NIBAN3: variants seen among roughly 807,000 people sequenced by gnomAD.
The protein encoded by NIBAN3 is niban apoptosis regulator 3, also known as protein Niban 3.
Under a neutral mutation model 76.4 loss-of-function variants are expected in NIBAN3, and 66 were observed. The ratio of observed to expected loss-of-function variants is 0.86; its 90% CI spans 0.71 to 1.06. The LOEUF (loss-of-function observed/expected upper bound fraction) is 1.06, where lower values mean the gene tolerates loss of function less well. Ranked by LOEUF, NIBAN3 falls within the 50% of genes least tolerant of loss-of-function variation. The probability of loss-of-function intolerance (pLI) is 0.00; values close to 1 mark genes in which losing one functional copy is unlikely to be tolerated. For missense variants in NIBAN3, 808 were observed against 810.7 expected (o/e 1.00, Z 0.04); for synonymous variants, 360 against 355.2 (o/e 1.01, Z -0.15).
intron 4 of NIBAN3, among the ~76,000 whole-genome samples, chr19:17,536,989 G>A (rs1323683743): frequency 6.6e-6 from 1 of 152,124 alleles, no homozygotes; most frequent in African/African-American, 2.4e-5. Flanking sequence ...AAAAAAGAAA[G>A]AAAATGAAAG....
rs10528626 is a variant in NIBAN3 at position 17,541,644 on chromosome 19, CTTATTTTATTTTATTTTATTTTATT to C, written c.1171-454_1171-430del. 2.1e-3 allele frequency among the ~76,000 whole-genome samples: 288 copies of C among 137,060 alleles called. 1 individual carries two copies. Among genetic ancestry groups the C allele is most frequent in the East Asian group, 0.015 (71 of 4,604 alleles). The allele number at this position is 137,060 out of a possible 152,430, so 89.9% of individuals were successfully genotyped here. ...TCCATGACACCGTGCCTCACTGCTACTTATTTTATTTTATTTTATTTTATTTTATTTTATTTTATTTTATTTTATT... is the reference window on the plus strand; with the variant it reads ...TCCATGACACCGTGCCTCACTGCTACTTATTTTATTTTATTTTATTTTATT... On this transcript the variant is annotated intron_variant, in intron 9 of 14. Coordinates refer to ENST00000599164, the MANE Select transcript of NIBAN3 (RefSeq NM_001321827.2).
downstream of NIBAN3, among the ~76,000 whole-genome samples, chr19:17,554,239 G>A (rs1284916936): frequency 6.6e-6 from 1 of 152,036 alleles, no homozygotes; most frequent in Non-Finnish European, 1.5e-5. Flanking sequence ...CAGCAGTTTG[G>A]GAGGCTGAAG....
Position 17,530,883 on chromosome 19 carries a change from A to G in NIBAN3, c.184A>G (p.Lys62Glu). The change falls in exon 2 of 15, where the codon AAA becomes GAA. Residue 62 changes from lysine (K) to glutamate (E), a missense_variant and splice_region_variant. By Grantham distance (56) the Lys-to-Glu change is moderately conservative. Transcript: ENST00000599164. ...EPTGSQLLRS[K>E]KLPRVREHRG... ...GACCGGAAGCCAGTTGCTACGCAGC[A>G]AAGTGGGTGTTGTGGGGGCAGAGGA... 6.2e-7 allele frequency: 1 copy of G among 1,612,990 alleles called. No homozygotes were observed. Among genetic ancestry groups the G allele is most frequent in the South Asian group, 1.1e-5 (1 of 91,040 alleles).
chr19:17,550,164 A>G (rs1189874907), intron 14 of NIBAN3, among the ~76,000 whole-genome samples: 1 of 152,072 alleles, frequency 6.6e-6, no homozygotes, highest in East Asian at 1.9e-4. Flanking sequence ...GCATCTCCCA[A>G]TGGCTACTTC....
upstream of NIBAN3, among the ~76,000 whole-genome samples, chr19:17,525,719 G>C (rs1373960520): frequency 6.6e-6 from 1 of 152,194 alleles, no homozygotes; most frequent in Admixed American, 6.5e-5. Flanking sequence ...GGCCCTCAGT[G>C]GTGCTTTCCC....
intron 3 of NIBAN3, 49 bp downstream of exon 3, chr19:17,532,437 C>A (rs374296855): frequency 1.2e-6 from 2 of 1,612,154 alleles, no homozygotes; most frequent in Non-Finnish European, 1.7e-6. Context: ...CTCCTTCCCA[C>A]CCCCGTCAGC....
chr19:17,526,143 C>T (rs1000175735), upstream of NIBAN3, among the ~76,000 whole-genome samples: 1 of 151,916 alleles, frequency 6.6e-6, no homozygotes, highest in Non-Finnish European at 1.5e-5. Flanking sequence ...GAAACCCCGT[C>T]TCTACTGAAA....
chr19:17,533,754 CAT>C, intron 4 of NIBAN3, 53 bp downstream of exon 4: 1 of 1,302,504 alleles, frequency 7.7e-7, no homozygotes, highest in Non-Finnish European at 1.1e-6. Context: ...GCATCATTAA[CAT>C]GTGGGGCCAG....
At chr19:17,539,876 T>C (rs757702391) in intron 8 of NIBAN3, 111 bp downstream of exon 8, 2 of 621,224 alleles carry the variant, frequency 3.2e-6, no homozygotes, top group African/African-American at 2.2e-5. Flanking sequence ...GGGGGCGTGG[T>C]CAGAGAGGGG....
At chr19:17,528,827 A>C (rs948985495) in intron 1 of NIBAN3, among the ~76,000 whole-genome samples, 6 of 152,046 alleles carry the variant, frequency 3.9e-5, no homozygotes, top group African/African-American at 1.4e-4. Context: ...TCCATGCAGC[A>C]GCATGGAAGA....
At chr19:17,540,223 G>A in intron 8 of NIBAN3, 169 bp from the exon 9 acceptor site, 1 of 469,338 alleles carries the variant, frequency 2.1e-6, no homozygotes, top group South Asian at 6.1e-5. Context: ...ACCCAGGTGG[G>A]AATCCTGACT....
At chr19:17,540,146 A>G (rs1328893299) in intron 8 of NIBAN3, 6 of 399,106 alleles carry the variant, frequency 1.5e-5, no homozygotes, top group Non-Finnish European at 2.6e-5. Context: ...GAAGTAGAAC[A>G]GCGGAGGAGG....
intron 12 of NIBAN3, chr19:17,545,195 A>G (rs547630981): frequency 3.6e-4 from 53 of 149,266 alleles, no homozygotes; most frequent in African/African-American, 1.3e-3. Context: ...ATTTTATTTT[A>G]TTTTATTTTA....
At position 17,553,056 on chromosome 19, in the gene NIBAN3, T is replaced by G; in HGVS notation, c.*1158T>G. 1 of 335,876 alleles carries G rather than the reference T, an allele frequency of 3.0e-6. No homozygotes were observed. Among genetic ancestry groups the G allele is most frequent in the Non-Finnish European group, 5.4e-6 (1 of 186,280 alleles). 20.8% of individuals were successfully genotyped at this position (335,876 alleles called of 1,614,324 possible). A position where few individuals can be genotyped will look rare whatever the true frequency, so the allele number is the denominator to read the frequency against. On this transcript the variant is annotated 3_prime_UTR_variant, in exon 15 of 15. Coordinates refer to ENST00000599164, the MANE Select transcript of NIBAN3 (RefSeq NM_001321827.2). ...CACCACTGCACTCCAGCCTGGGTGA[T>G]GGGAGTGAGACCCTGTCTCAAAAAA... is the stretch of plus-strand genomic sequence containing the variant.
At position 17,542,280 on chromosome 19, in the gene NIBAN3, G is replaced by A; in HGVS notation, c.1315G>A (p.Asp439Asn). The stretch of plus-strand genomic sequence containing the variant: ...GCAGAGCCTCGTGTTTGGGGCCCAA[G>A]ATCTTGCACAGCAGGTGAGGGTGAG... ...GMQSLVFGAQ[D>N]LAQQLMADAV... Residue 439 changes from aspartate (D) to asparagine (N), a missense_variant, in exon 10 of 15, where the codon GAT becomes AAT. Asp to Asn is a conservative substitution (Grantham distance 23, BLOSUM62 1). Coordinates refer to ENST00000599164, the MANE Select transcript of NIBAN3 (RefSeq NM_001321827.2). The surrounding 1 kb of genome is among the most constrained non-coding windows in gnomAD (Gnocchi z 4.8). 1 of 1,610,592 alleles carries A rather than the reference G, an allele frequency of 6.2e-7. No individual in the cohort carries two copies. The highest frequency in any genetic ancestry group is 8.5e-7 in the Non-Finnish European group (1 of 1,178,336).
chr19:17,542,261 C>T lies in NIBAN3; in HGVS notation c.1296C>T (p.Ser432=). 6.2e-7 allele frequency: 1 copy of T among 1,612,888 alleles called. No individual in the cohort carries two copies. Among genetic ancestry groups the T allele is most frequent in the Non-Finnish European group, 8.5e-7 (1 of 1,179,502 alleles). ...AAPFGFLGMQ[S]LVFGAQDLAQ... ...CGTTTGGCTTTCTGGGGATGCAGAG[C>T]CTCGTGTTTGGGGCCCAAGATCTTG... Residue 432 remains serine, a synonymous_variant, in exon 10 of 15, where the codon AGC becomes AGT. Coordinates refer to ENST00000599164, the MANE Select transcript of NIBAN3 (RefSeq NM_001321827.2). This position sits in a 1 kb window ranked among gnomAD's most constrained non-coding sequence, Gnocchi z 4.8.
chr19:17,532,188 CG>C, intron 2 of NIBAN3, 74 bp from the exon 3 acceptor site: 1 of 1,521,974 alleles, frequency 6.6e-7, no homozygotes, highest in Non-Finnish European at 8.8e-7. Context: ...CAGGATACAG[CG>C]GGTGTCTGGG....
intron 8 of NIBAN3, among the ~76,000 whole-genome samples, chr19:17,539,973 C>T (rs2075913119): frequency 6.6e-6 from 1 of 150,730 alleles, no homozygotes; most frequent in African/African-American, 2.4e-5. Flanking sequence ...GTGGTCGAGG[C>T]ACTGGGGGCG....
Position 17,529,293 on chromosome 19 carries a change from AT to A in NIBAN3, c.56-1450del, listed in dbSNP as rs57168507. Among the ~76,000 whole-genome samples, 670 of 146,886 alleles carry A rather than the reference AT, an allele frequency of 4.6e-3. 2 individuals are homozygous for A. Among genetic ancestry groups the A allele is most frequent in the Middle Eastern group, 0.01 (3 of 286 alleles). On this transcript the variant is annotated intron_variant, in intron 1 of 14. Transcript: ENST00000599164. ...AGATAGTGGCTTAAACAAGATAAGG[AT>A]TTTTTTTTTTTCTCCTCAAACTGAG...
Sources: allele counts gnomAD v4.1 joint callset (sites outside exome capture counted in the v4.1 genomes callset), GRCh38; gene constraint gnomAD v4.1.1; non-coding constraint Gnocchi (gnomAD v3.1); transcripts MANE v1.5; gene names NCBI Gene and HGNC (gene_info 2026-07-23, HGNC 2026-07-21).